Variants in TSHZ2 observed in about 807,000 individuals in gnomAD.
TSHZ2 encodes the protein teashirt homolog 2.
Under a neutral mutation model 74.4 loss-of-function variants are expected in TSHZ2, and 21 were observed. That is an observed-to-expected ratio of 0.28 (90% CI 0.20 to 0.41). The LOEUF (loss-of-function observed/expected upper bound fraction) is 0.41, where lower values mean the gene tolerates loss of function less well. Among genes scored for constraint, TSHZ2 ranks in the 10% least tolerant of loss-of-function variants. The pLI is 1.00. For missense variants in TSHZ2, 1,244 were observed against 1,293.5 expected, an observed-to-expected ratio of 0.96 and a Z score of 0.59; for synonymous variants, 540 against 515.3, an observed-to-expected ratio of 1.05 and a Z score of -0.65.
intron 2 of TSHZ2, among the ~76,000 whole-genome samples, chr20:53,330,660 TC>T (rs1979687635): frequency 6.6e-6 from 1 of 152,116 alleles, no homozygotes; most frequent in East Asian, 1.9e-4. Flanking sequence ...TTCTTCTGCA[TC>T]CCCATCATCT....
chr20:53,302,970 A>G (rs1042689826), intron 2 of TSHZ2, among the ~76,000 whole-genome samples: 1 of 152,236 alleles, frequency 6.6e-6, no homozygotes, highest in African/African-American at 2.4e-5. Flanking sequence ...TTGCCCACAA[A>G]GGTGGTGAAA....
At chr20:53,063,960 T>C (rs1159314274) in intron 1 of TSHZ2, among the ~76,000 whole-genome samples, 1 of 152,174 alleles carries the variant, frequency 6.6e-6, no homozygotes, top group Non-Finnish European at 1.5e-5. Flanking sequence ...GTATTAGAAC[T>C]GGAAGCCTCA....
At chr20:53,169,451 C>G (rs1197118355) in intron 1 of TSHZ2, among the ~76,000 whole-genome samples, 1 of 152,126 alleles carries the variant, frequency 6.6e-6, no homozygotes, top group African/African-American at 2.4e-5. Context: ...AATTCTTTGC[C>G]CAAAGTCATC....
intron 1 of TSHZ2, among the ~76,000 whole-genome samples, chr20:53,151,703 G>A (rs1391079390): frequency 6.6e-6 from 1 of 152,068 alleles, no homozygotes. Flanking sequence ...TTAGGATTTT[G>A]GGAATCAAAG....
rs777719734 is a variant in TSHZ2, at chr20:53,397,421, A to G, written c.*9-89723A>G. On this transcript the variant is annotated intron_variant, in intron 2 of 2. Coordinates refer to ENST00000371497, the MANE Select transcript of TSHZ2 (RefSeq NM_173485.6). ...CAGAGAAATGCAAATCAAAACCACAATGAGATACCATCTCACACCAGTTAG... is the reference window on the plus strand; with the variant it reads ...CAGAGAAATGCAAATCAAAACCACAGTGAGATACCATCTCACACCAGTTAG... Among the ~76,000 whole-genome samples, 167 of 152,354 alleles carry G rather than the reference A, an allele frequency of 1.1e-3. 2 individuals carry two copies. The highest frequency in any genetic ancestry group is 8.8e-3 in the Admixed American group (135 of 15,300).
At chr20:53,057,014 G>A (rs1234014490) in intron 1 of TSHZ2, among the ~76,000 whole-genome samples, 1 of 152,112 alleles carries the variant, frequency 6.6e-6, no homozygotes, top group Non-Finnish European at 1.5e-5. Flanking sequence ...AATCATTGGG[G>A]CAGGTTTTTC....
intron 1 of TSHZ2, among the ~76,000 whole-genome samples, chr20:52,996,307 T>TTTTATTTA (rs56169663): frequency 0.016 from 2,390 of 145,314 alleles, 32 homozygotes; most frequent in Admixed American, 0.031. Flanking sequence ...CCTTTCAGGT[T>TTTTATTTA]TTTATTTATT....
chr20:53,025,180 ATATT>A (rs1983393874), intron 1 of TSHZ2, among the ~76,000 whole-genome samples: 1 of 151,434 alleles, frequency 6.6e-6, no homozygotes, highest in East Asian at 1.9e-4. Context: ...ATATGCATAA[ATATT>A]ATTTATATGT....
intron 1 of TSHZ2, among the ~76,000 whole-genome samples, chr20:53,055,038 T>C (rs1394034051): frequency 6.6e-6 from 1 of 152,214 alleles, no homozygotes; most frequent in Non-Finnish European, 1.5e-5. Context: ...TGTTGATAAC[T>C]AACCGAACAA....
chr20:53,263,235 A>G lies in TSHZ2; in HGVS notation c.*8+6664A>G, dbSNP rs1990637314. On this transcript the variant is annotated intron_variant, in intron 2 of 2. Coordinates refer to ENST00000371497, the MANE Select transcript of TSHZ2 (RefSeq NM_173485.6). ...AGCTTTTTCTCAATGAATTTTGGGC[A>G]AGTTTGACTTGCCATGGAATCATCT... Among the ~76,000 whole-genome samples, 4 of 152,194 alleles carry G rather than the reference A, an allele frequency of 2.6e-5. No homozygotes were observed. The South Asian group carries it at 6.2e-4, about 24-fold the overall frequency.
At chr20:53,290,355 C>T (rs900706342) in intron 2 of TSHZ2, among the ~76,000 whole-genome samples, 4 of 151,972 alleles carry the variant, frequency 2.6e-5, no homozygotes, top group Non-Finnish European at 5.9e-5. Flanking sequence ...TCATCCAAAC[C>T]TTAGCTTACA....
At chr20:53,260,771 A>G (rs952555868) in intron 2 of TSHZ2, among the ~76,000 whole-genome samples, 4 of 152,230 alleles carry the variant, frequency 2.6e-5, no homozygotes, top group Non-Finnish European at 4.4e-5. Context: ...GAAAGCACAT[A>G]GTAGGTCTAT....
chr20:53,256,330 C>T lies in TSHZ2; in HGVS notation c.2872C>T (p.Arg958Cys), dbSNP rs61760185. The change falls in exon 2 of 3, where the codon CGC (arginine) becomes TGC (cysteine). Residue 958 changes from arginine to cysteine, a missense_variant. By Grantham distance (180) the Arg-to-Cys change is radical (BLOSUM62 -3). Coordinates refer to ENST00000371497, the MANE Select transcript of TSHZ2 (RefSeq NM_173485.6). This position sits in a 1 kb window ranked among gnomAD's most constrained non-coding sequence, Gnocchi z 4.3. ...GGGTTTCCAAATGAAGGACATGACC[C>T]GCTTGTCAGTGGACCAGCAAAGCAA... ...HLGFQMKDMT[R>C]LSVDQQSKVE... 9.9e-6 allele frequency: 16 copies of T among 1,613,618 alleles called. No homozygotes were observed. The highest frequency in any genetic ancestry group is 2.7e-5 in the African/African-American group (2 of 74,888).
At chr20:53,125,750 A>C (rs1936970) in intron 1 of TSHZ2, among the ~76,000 whole-genome samples, 44,512 of 151,992 alleles carry the variant, frequency 0.29, 6,855 homozygotes, top group African/African-American at 0.38. Flanking sequence ...TAAAAAAAAA[A>C]AATTGTGATG....
At chr20:53,189,129 A>G (rs138776311) in intron 1 of TSHZ2, among the ~76,000 whole-genome samples, 142 of 152,330 alleles carry the variant, frequency 9.3e-4, no homozygotes, top group African/African-American at 3.2e-3. Context: ...AACGAGAAAA[A>G]CTTTCCCCTG....
chr20:53,382,446 AAAAG>A (rs901635146), intron 2 of TSHZ2, among the ~76,000 whole-genome samples: 2 of 152,200 alleles, frequency 1.3e-5, no homozygotes, highest in Admixed American at 1.3e-4. Flanking sequence ...CCCAGTGGTT[AAAAG>A]AACTGGAGAA....
intron 1 of TSHZ2, among the ~76,000 whole-genome samples, chr20:53,021,716 G>C (rs1797436755): frequency 6.6e-6 from 1 of 152,184 alleles, no homozygotes; most frequent in Admixed American, 6.5e-5. Flanking sequence ...GGAAGGACTT[G>C]TCCTAATTAT....
At chr20:53,025,812 TG>T (rs1454726826) in intron 1 of TSHZ2, among the ~76,000 whole-genome samples, 1 of 152,222 alleles carries the variant, frequency 6.6e-6, no homozygotes, top group Non-Finnish European at 1.5e-5. Flanking sequence ...AAATGTAATA[TG>T]AGCTTCCAAT....
chr20:53,479,174 A>G (rs971482584), intron 2 of TSHZ2, among the ~76,000 whole-genome samples: 2 of 97,128 alleles, frequency 2.1e-5, no homozygotes, highest in Non-Finnish European at 4.2e-5. Context: ...CAATTTAAAA[A>G]AAAAAAAAAA....
Sources: allele counts gnomAD v4.1 joint callset (sites outside exome capture counted in the v4.1 genomes callset), GRCh38; gene constraint gnomAD v4.1.1; non-coding constraint Gnocchi (gnomAD v3.1); transcripts MANE v1.5; gene names NCBI Gene and HGNC (gene_info 2026-07-23, HGNC 2026-07-21).